SLC39A9: variants seen among roughly 807,000 people sequenced by gnomAD.
The protein encoded by SLC39A9 is zinc transporter ZIP9.
In SLC39A9, 14 loss-of-function variants were observed where a neutral mutation model predicts 28.4. The observed-to-expected ratio is 0.49, with a 90% CI of 0.33 to 0.77. The LOEUF is 0.77. Among genes scored for constraint, SLC39A9 ranks in the 30% least tolerant of loss-of-function variants. The pLI, the probability that SLC39A9 is intolerant of heterozygous loss-of-function variation, is 0.02. For missense variants in SLC39A9, 283 were observed against 381.1 expected (o/e 0.74, Z 2.14); for synonymous variants, 119 against 149.6 (o/e 0.80, Z 1.49).
At chr14:69,445,903 C>T (rs759499017) in intron 3 of SLC39A9, among the ~76,000 whole-genome samples, 3 of 152,116 alleles carry the variant, frequency 2.0e-5, no homozygotes, top group Non-Finnish European at 4.4e-5. Context: ...GTGAATAATA[C>T]AATCACACTG....
At chr14:69,457,989 G>C (rs980029855) in intron 6 of SLC39A9, among the ~76,000 whole-genome samples, 1 of 152,156 alleles carries the variant, frequency 6.6e-6, no homozygotes, top group African/African-American at 2.4e-5. Flanking sequence ...TATCAAAATT[G>C]CTAAGAGTAA....
At chr14:69,405,474 G>A (rs190991302) in intron 1 of SLC39A9, among the ~76,000 whole-genome samples, 54 of 152,166 alleles carry the variant, frequency 3.5e-4, no homozygotes, top group African/African-American at 9.9e-4. Flanking sequence ...GATTTGAGCC[G>A]GGCATGGTGG....
Position 69,460,877 on chromosome 14 carries a change from A to G in SLC39A9, c.*2284A>G. On this transcript the variant is annotated 3_prime_UTR_variant, in exon 7 of 7. Transcript: ENST00000336643. ...TCCTGGTCAGCAGACAGAAATAGCC[A>G]TACTAATCTCATAGGGCTCAAATGC... 3 of 985,494 alleles carry G rather than the reference A, an allele frequency of 3.0e-6. No individual in the cohort carries two copies. Among genetic ancestry groups the G allele is most frequent in the Non-Finnish European group, 2.4e-6 (2 of 829,962 alleles). 61.0% of individuals were successfully genotyped at this position (985,494 alleles called of 1,614,324 possible).
At chr14:69,401,108 T>A (rs1363716172) in intron 1 of SLC39A9, among the ~76,000 whole-genome samples, 1 of 152,202 alleles carries the variant, frequency 6.6e-6, no homozygotes, top group Non-Finnish European at 1.5e-5. Flanking sequence ...TGACTCAGAC[T>A]AGTTCGTAGC....
intron 2 of SLC39A9, among the ~76,000 whole-genome samples, chr14:69,432,858 T>C (rs1884563559): frequency 6.6e-6 from 1 of 152,198 alleles, no homozygotes; most frequent in Non-Finnish European, 1.5e-5. Context: ...TATGGCTTTA[T>C]TTCTGGGTTC....
chr14:69,399,868 A>C (rs1269196460), intron 1 of SLC39A9, among the ~76,000 whole-genome samples: 1 of 152,140 alleles, frequency 6.6e-6, no homozygotes, highest in East Asian at 1.9e-4. Context: ...TAATCTCAGC[A>C]CTTTGGGAGG....
At chr14:69,422,145 C>T (rs536728817) in intron 1 of SLC39A9, among the ~76,000 whole-genome samples, 7 of 152,118 alleles carry the variant, frequency 4.6e-5, no homozygotes, top group East Asian at 1.9e-4. Flanking sequence ...TGGAATGGAC[C>T]GCTTGTTTGC....
At chr14:69,402,701 C>T (rs970673037) in intron 1 of SLC39A9, among the ~76,000 whole-genome samples, 2 of 152,094 alleles carry the variant, frequency 1.3e-5, no homozygotes, top group Non-Finnish European at 2.9e-5. Flanking sequence ...AAAAAAAATC[C>T]GATTCTCAAA....
intron 1 of SLC39A9, among the ~76,000 whole-genome samples, chr14:69,410,191 G>A (rs985181389): frequency 1.2e-4 from 19 of 152,160 alleles, no homozygotes; most frequent in Non-Finnish European, 2.1e-4. Context: ...TGGAGGAAAT[G>A]GCATTAATAA....
intron 1 of SLC39A9, among the ~76,000 whole-genome samples, chr14:69,415,819 G>A (rs976872941): frequency 2.6e-5 from 4 of 152,138 alleles, no homozygotes; most frequent in Non-Finnish European, 4.4e-5. Flanking sequence ...TTCCCATAGA[G>A]ATAATATTTA....
intron 2 of SLC39A9, among the ~76,000 whole-genome samples, chr14:69,440,354 T>G (rs1475483858): frequency 6.6e-6 from 1 of 151,946 alleles, no homozygotes; most frequent in Non-Finnish European, 1.5e-5. Context: ...GAGGTCAAGG[T>G]GGGCGGATCA....
At chr14:69,446,011 A>C (rs1480472252) in intron 3 of SLC39A9, among the ~76,000 whole-genome samples, 1 of 148,488 alleles carries the variant, frequency 6.7e-6, no homozygotes, top group Non-Finnish European at 1.5e-5. Context: ...CCATAAACAA[A>C]TACTGAACTC....
intron 3 of SLC39A9, among the ~76,000 whole-genome samples, chr14:69,446,301 A>G (rs754428319): frequency 1.3e-5 from 2 of 150,802 alleles, no homozygotes; most frequent in Non-Finnish European, 3.0e-5. Flanking sequence ...TATATGTCCT[A>G]GCTCTGTCTG....
Position 69,454,818 on chromosome 14 carries a change from G to GTGT in SLC39A9, c.482_484dup (p.Val161dup), listed in dbSNP as rs749663902. On this transcript the variant is annotated inframe_insertion, in exon 5 of 7. Transcript: ENST00000336643. The stretch of plus-strand genomic sequence containing the variant: ...TCCTTGTTTCCAAATATAGCTGATG[G>GTGT]TGTTGCTTTGGGAGCAGCAGCATCT... 1 of 1,613,336 alleles carries GTGT rather than the reference G, an allele frequency of 6.2e-7. No individual in the cohort carries two copies. The highest frequency in any genetic ancestry group is 1.1e-5 in the South Asian group (1 of 90,996).
At chr14:69,418,031 T>C (rs550533818) in intron 1 of SLC39A9, among the ~76,000 whole-genome samples, 3 of 152,304 alleles carry the variant, frequency 2.0e-5, no homozygotes, top group African/African-American at 7.2e-5. Context: ...AGAGAGGGCA[T>C]CCCTGTCTTG....
At chr14:69,435,354 A>G (rs973604292) in intron 2 of SLC39A9, among the ~76,000 whole-genome samples, 2 of 152,236 alleles carry the variant, frequency 1.3e-5, no homozygotes, top group Non-Finnish European at 2.9e-5. Flanking sequence ...TAATTTTAAT[A>G]TAACCATTCA....
intron 2 of SLC39A9, among the ~76,000 whole-genome samples, chr14:69,428,389 G>A (rs952817917): frequency 6.6e-6 from 1 of 152,176 alleles, no homozygotes; most frequent in African/African-American, 2.4e-5. Flanking sequence ...GCCTGCAGCA[G>A]CAGACCATCC....
At chr14:69,404,811 T>C (rs1882826515) in intron 1 of SLC39A9, among the ~76,000 whole-genome samples, 1 of 152,210 alleles carries the variant, frequency 6.6e-6, no homozygotes, top group Admixed American at 6.5e-5. Context: ...TTACTCTCAT[T>C]TTAAGCTTTG....
At chr14:69,420,458 A>G (rs910481864) in intron 1 of SLC39A9, among the ~76,000 whole-genome samples, 1 of 152,146 alleles carries the variant, frequency 6.6e-6, no homozygotes, top group African/African-American at 2.4e-5. Flanking sequence ...ACCTTGGTGA[A>G]TCTGACAATT....
Sources: allele counts gnomAD v4.1 joint callset (sites outside exome capture counted in the v4.1 genomes callset), GRCh38; gene constraint gnomAD v4.1.1; transcripts MANE v1.5; gene names NCBI Gene and HGNC (gene_info 2026-07-23, HGNC 2026-07-21).